Variants in BPTF observed in about 807,000 individuals in gnomAD.
The protein encoded by BPTF is bromodomain PHD finger transcription factor, also known as nucleosome-remodeling factor subunit BPTF.
In BPTF, 18 loss-of-function variants were observed where a neutral mutation model predicts 292.5. The observed-to-expected ratio is 0.06, with a 90% confidence interval of 0.04 to 0.09. BPTF has a LOEUF of 0.09. Among genes scored for constraint, BPTF ranks in the 10% least tolerant of loss-of-function variants. The pLI is 1.00. For synonymous variants in BPTF, 1,225 were observed against 1,251.9 expected (o/e 0.98, Z 0.45); for missense variants, 2,726 against 3,498.7 (o/e 0.78, Z 5.57).
intron 4 of BPTF, among the ~76,000 whole-genome samples, chr17:67,878,854 A>ACTT (rs1167227094): frequency 6.6e-6 from 1 of 152,210 alleles, no homozygotes; most frequent in African/African-American, 2.4e-5. Context: ...AAGTATCTAC[A>ACTT]CTGAATTTTG....
Position 67,945,449 on chromosome 17 carries a change from G to T in BPTF, c.6741G>T (p.Met2247Ile), listed in dbSNP as rs781794996. ...GGCAGAGTAAACTGTCACCCCAGATGCAGGTACATCAAGACAAAACCCTGC... is the reference window on the plus strand; with the variant it reads ...GGCAGAGTAAACTGTCACCCCAGATTCAGGTACATCAAGACAAAACCCTGC... ...EQRQSKLSPQ[M>I]QVHQDKTLPP... The change falls in exon 21 of 28, where the codon ATG (methionine) becomes ATT (isoleucine). Residue 2247 changes from methionine (M) to isoleucine (I), a missense_variant. Met to Ile is a conservative substitution (Grantham distance 10, BLOSUM62 1). Coordinates refer to ENST00000306378, the MANE Select transcript of BPTF (RefSeq NM_182641.4). 6.2e-7 allele frequency: 1 copy of T among 1,613,842 alleles called. No individual in the cohort carries two copies. Among genetic ancestry groups the T allele is most frequent in the African/African-American group, 1.3e-5 (1 of 74,864 alleles).
At chr17:67,889,319 G>A (rs1177695806) in intron 4 of BPTF, among the ~76,000 whole-genome samples, 1 of 152,162 alleles carries the variant, frequency 6.6e-6, no homozygotes, top group East Asian at 1.9e-4. Flanking sequence ...TTTAGCAAGT[G>A]ATAAAGGATT....
chr17:67,872,744 C>T (rs1260492792), intron 3 of BPTF, among the ~76,000 whole-genome samples: 1 of 152,090 alleles, frequency 6.6e-6, no homozygotes, highest in Non-Finnish European at 1.5e-5. Flanking sequence ...ATCTGTGCCT[C>T]TAAGAAAAAC....
intron 1 of BPTF, among the ~76,000 whole-genome samples, chr17:67,832,580 A>G (rs1450248157): frequency 6.6e-6 from 1 of 152,108 alleles, no homozygotes; most frequent in Non-Finnish European, 1.5e-5. Flanking sequence ...ATACTGTAAA[A>G]TGTACCCTTG....
intron 3 of BPTF, among the ~76,000 whole-genome samples, chr17:67,873,155 A>G (rs1286074171): frequency 6.6e-6 from 1 of 152,136 alleles, no homozygotes; most frequent in East Asian, 1.9e-4. Context: ...GTGGATATAC[A>G]TGGTATTAAG....
intron 1 of BPTF, among the ~76,000 whole-genome samples, chr17:67,851,847 G>T (rs1316466655): frequency 6.6e-6 from 1 of 151,532 alleles, no homozygotes; most frequent in East Asian, 1.9e-4. Flanking sequence ...TTTTTCCATT[G>T]AGGAGTCTGA....
chr17:67,976,714 A>AAAAAAAAAAAAAAG (rs1555694156), intron 27 of BPTF, among the ~76,000 whole-genome samples: 2 of 116,586 alleles, frequency 1.7e-5, no homozygotes, highest in African/African-American at 7.1e-5. Context: ...AAAAAAAAAA[A>AAAAAAAAAAAAAAG]ATAAGAATAA....
At chr17:67,936,570 TCTC>T (rs1433269355) in intron 18 of BPTF, 1 of 152,180 alleles carries the variant, frequency 6.6e-6, no homozygotes, top group African/African-American at 2.4e-5. Flanking sequence ...ACCACTCTCT[TCTC>T]CAGGGTTTTG....
intron 27 of BPTF, among the ~76,000 whole-genome samples, chr17:67,980,877 G>T (rs2070264151): frequency 6.6e-6 from 1 of 152,294 alleles, no homozygotes; most frequent in East Asian, 1.9e-4. Flanking sequence ...AACAAATTAG[G>T]CTGTGTGCAA....
chr17:67,981,597 A>T (rs1395452467), intron 27 of BPTF: 7 of 1,047,290 alleles, frequency 6.7e-6, no homozygotes, highest in Non-Finnish European at 8.1e-6. Context: ...TCGTGGTAAA[A>T]AATTTACTCT....
In BPTF at chr17:67,945,516, C is replaced by T; in HGVS notation, c.6808C>T (p.Pro2270Ser). ...SSSVGPAEAQPQTAQPSAQPQ... is the reference protein window; with the variant it reads ...SSSVGPAEAQSQTAQPSAQPQ... ...AAGTGTGGGTCCAGCAGAAGCCCAG[C>T]CACAGACTGCTCAGCCTTCAGCTCA... Residue 2270 changes from proline (P) to serine (S), a missense_variant, in exon 21 of 28, where the codon CCA becomes TCA. Transcript: ENST00000306378. 1 of 1,614,076 alleles carries T rather than the reference C, an allele frequency of 6.2e-7. No individual in the cohort carries two copies.
chr17:67,953,961 C>CT (rs869063412), intron 23 of BPTF, among the ~76,000 whole-genome samples: 1 of 65,644 alleles, frequency 1.5e-5, no homozygotes, highest in African/African-American at 7.2e-5. Context: ...CTTTTCTTTT[C>CT]TTTTTTTTTT....
chr17:67,862,145 T>G (rs1452745514), intron 2 of BPTF, among the ~76,000 whole-genome samples: 1 of 152,102 alleles, frequency 6.6e-6, no homozygotes, highest in East Asian at 1.9e-4. Context: ...CCGGCTAATT[T>G]TTGTATTTTT....
chr17:67,846,482 C>T (rs2058038282), intron 1 of BPTF, among the ~76,000 whole-genome samples: 1 of 152,178 alleles, frequency 6.6e-6, no homozygotes. Context: ...CCACGAGACA[C>T]ATGGCTATTA....
chr17:67,939,436 T>G (rs1449926988), intron 18 of BPTF, among the ~76,000 whole-genome samples: 6 of 152,218 alleles, frequency 3.9e-5, no homozygotes, highest in Non-Finnish European at 7.3e-5. Flanking sequence ...AAAAAATTAT[T>G]CTTAGCAACT....
At chr17:67,831,320 T>C (rs2056654933) in intron 1 of BPTF, among the ~76,000 whole-genome samples, 1 of 152,086 alleles carries the variant, frequency 6.6e-6, no homozygotes. Context: ...ATAAGGGAAA[T>C]TAATGACATC....
intron 23 of BPTF, among the ~76,000 whole-genome samples, chr17:67,957,808 T>G (rs2067101240): frequency 6.6e-6 from 1 of 151,750 alleles, no homozygotes; most frequent in Non-Finnish European, 1.5e-5. Flanking sequence ...GCAAGCCGTG[T>G]TTATGTCACT....
intron 17 of BPTF, among the ~76,000 whole-genome samples, chr17:67,929,987 T>C (rs2064232097): frequency 1.3e-5 from 2 of 151,768 alleles, no homozygotes. Context: ...GTGGTGGTGC[T>C]TACCTGTAGT....
chr17:67,854,503 T>G lies in BPTF; in HGVS notation c.1177T>G (p.Cys393Gly). 6.2e-7 allele frequency: 1 copy of G among 1,614,190 alleles called. No homozygotes were observed. Among genetic ancestry groups the G allele is most frequent in the Non-Finnish European group, 8.5e-7 (1 of 1,180,034 alleles). ...SEGVIQYDDH[C>G]RVCHKLGDLL... ...AGGGGTGATACAGTATGATGACCAT[T>G]GTAGGGTTTGTCACAAACTTGGGGA... Residue 393 changes from cysteine to glycine, a missense_variant, in exon 2 of 28, where the codon TGT becomes GGT. This residue lies in a region of BPTF where 102 missense variants were observed against 212.6 expected (regional missense o/e 0.48). Transcript: ENST00000306378. The surrounding 1 kb of genome is among the most constrained non-coding windows in gnomAD (Gnocchi z 5.6).
Sources: gnomAD v4.1 joint callset for allele counts (sites outside exome capture counted in the v4.1 genomes callset) on GRCh38, gnomAD v4.1.1 for gene constraint, gnomAD v4.1.1 regional missense constraint, Gnocchi (gnomAD v3.1) non-coding constraint, MANE v1.5 for transcripts, NCBI Gene and HGNC (gene_info 2026-07-23, HGNC 2026-07-21) for gene names.